The following SART3 variants were observed in gnomAD, a reference collection of about 807,000 sequenced individuals.
The protein encoded by SART3 is spliceosome associated factor 3, U4/U6 recycling protein.
A neutral mutation model predicts 122.3 loss-of-function variants in SART3; 44 were observed. That is an observed-to-expected ratio of 0.36 (90% CI 0.28 to 0.46). The LOEUF is 0.46. Ranked by LOEUF, SART3 falls within the 20% of genes least tolerant of loss-of-function variation. The probability of loss-of-function intolerance (pLI) is 1.00; values close to 1 mark genes in which losing one functional copy is unlikely to be tolerated. For missense variants in SART3, 1,101 were observed against 1,229.0 expected, an observed-to-expected ratio of 0.90 and a Z score of 1.56; for synonymous variants, 442 against 454.0, an observed-to-expected ratio of 0.97 and a Z score of 0.34.
At chr12:108,525,815 AAT>A (rs1312313561) in intron 16 of SART3, 1 of 637,842 alleles carries the variant, frequency 1.6e-6, no homozygotes, top group Non-Finnish European at 2.8e-6. Flanking sequence ...AAACGGCAAG[AAT>A]AAAAGTAACC....
At chr12:108,555,067 G>C (rs931399088) in intron 1 of SART3, among the ~76,000 whole-genome samples, 2 of 152,170 alleles carry the variant, frequency 1.3e-5, no homozygotes, top group African/African-American at 4.8e-5. Context: ...TGGGAAGGAA[G>C]GAGAAGGAGA....
intron 6 of SART3, among the ~76,000 whole-genome samples, chr12:108,539,779 C>T (rs1463525926): frequency 6.6e-6 from 1 of 152,054 alleles, no homozygotes; most frequent in Non-Finnish European, 1.5e-5. Context: ...ACACAGACTC[C>T]ATATGTAGAA....
At chr12:108,539,121 T>A in intron 6 of SART3, 32 bp from the exon 7 acceptor site, 1 of 1,613,452 alleles carries the variant, frequency 6.2e-7, no homozygotes, top group Non-Finnish European at 8.5e-7. Context: ...TTGAATTTAG[T>A]TACTGGCAGG....
intron 11 of SART3, 107 bp downstream of exon 11, chr12:108,536,407 A>C: frequency 6.6e-5 from 72 of 1,087,250 alleles, no homozygotes; most frequent in Non-Finnish European, 9.2e-5. Flanking sequence ...AAATCCTTAT[A>C]GAGCTTAGGC....
intron 1 of SART3, among the ~76,000 whole-genome samples, chr12:108,558,307 G>T (rs752267193): frequency 1.3e-5 from 2 of 152,240 alleles, no homozygotes. Flanking sequence ...GCAGCTGTGG[G>T]ATCAGGATGA....
chr12:108,557,057 A>G (rs527884468), intron 1 of SART3, among the ~76,000 whole-genome samples: 28 of 152,354 alleles, frequency 1.8e-4, no homozygotes, highest in African/African-American at 6.5e-4. Context: ...TGATGAAGAT[A>G]CTATATGTGG....
intron 1 of SART3, among the ~76,000 whole-genome samples, chr12:108,552,587 T>A (rs2030056868): frequency 6.9e-6 from 1 of 145,664 alleles, no homozygotes; most frequent in Non-Finnish European, 1.5e-5. Flanking sequence ...TTTAAAGACA[T>A]AGCACCATTT....
intron 2 of SART3, among the ~76,000 whole-genome samples, 156 bp downstream of exon 2, chr12:108,548,932 A>C (rs2029884433): frequency 6.6e-6 from 1 of 152,240 alleles, no homozygotes; most frequent in Non-Finnish European, 1.5e-5. Flanking sequence ...AAAAAACTAC[A>C]ATAAACTAAA....
chr12:108,553,574 T>A (rs2136693709), intron 1 of SART3, among the ~76,000 whole-genome samples: 1 of 152,328 alleles, frequency 6.6e-6, no homozygotes, highest in Non-Finnish European at 1.5e-5. Context: ...GATAAAAGAT[T>A]ACCTACACTT....
chr12:108,535,531 A>T, intron 11 of SART3, 63 bp from the exon 12 acceptor site: 1 of 1,277,938 alleles, frequency 7.8e-7, no homozygotes, highest in Non-Finnish European at 1.1e-6. Context: ...CCATCATACA[A>T]CACACTTCCA....
intron 4 of SART3, 36 bp from the exon 5 acceptor site, chr12:108,544,514 A>T: frequency 6.2e-7 from 1 of 1,614,174 alleles, no homozygotes; most frequent in South Asian, 1.1e-5. Flanking sequence ...TCAAAAGGGG[A>T]AAGGAAGCCA....
chr12:108,560,955 C>T lies in SART3; in HGVS notation c.200G>A (p.Gly67Glu), dbSNP rs746680613. Residue 67 changes from glycine to glutamate, a missense_variant, in exon 1 of 19, where the codon GGG becomes GAG. By Grantham distance (98) the Gly-to-Glu change is moderately conservative (BLOSUM62 -2). Coordinates refer to ENST00000546815, the MANE Select transcript of SART3 (RefSeq NM_014706.4). ...QQEEGVSESD[G>E]DEYAMASSAE... ...GGAGGAAGCCATGGCGTACTCATCC[C>T]CATCGCTCTCGCTCACGCCTTCCTC... 6.2e-7 allele frequency: 1 copy of T among 1,614,054 alleles called. No homozygotes were observed. Among genetic ancestry groups the T allele is most frequent in the Non-Finnish European group, 8.5e-7 (1 of 1,179,978 alleles).
At chr12:108,550,052 TA>T (rs2136690315) in intron 1 of SART3, among the ~76,000 whole-genome samples, 1 of 149,764 alleles carries the variant, frequency 6.7e-6, no homozygotes, top group East Asian at 2.0e-4. Context: ...AAATCCCTAT[TA>T]GAGAAACAAG....
At chr12:108,537,103 GCAAGTA>G in intron 9 of SART3, 1 of 451,266 alleles carries the variant, frequency 2.2e-6, no homozygotes, top group Non-Finnish European at 4.1e-6. Flanking sequence ...ACATGAGTGT[GCAAGTA>G]CAAGTTAGGG....
At chr12:108,555,244 C>G (rs1462875258) in intron 1 of SART3, among the ~76,000 whole-genome samples, 1 of 152,144 alleles carries the variant, frequency 6.6e-6, no homozygotes, top group Non-Finnish European at 1.5e-5. Flanking sequence ...TATAAACCAG[C>G]AAGCTTTAAA....
At position 108,525,528 on chromosome 12, in the gene SART3, C is replaced by G; in HGVS notation, c.2452G>C (p.Glu818Gln). 2 of 1,614,240 alleles carry G rather than the reference C, an allele frequency of 1.2e-6. No homozygotes were observed. The highest frequency in any genetic ancestry group is 1.7e-6 in the Non-Finnish European group (2 of 1,180,042). The change falls in exon 17 of 19, where the codon GAA (glutamate) becomes CAA (glutamine). Residue 818 changes from glutamate (E) to glutamine (Q), a missense_variant. Coordinates refer to ENST00000546815, the MANE Select transcript of SART3 (RefSeq NM_014706.4). ...LPFSCTKEEL[E>Q]EICKAHGTVK... ...GTGCCATGAGCCTTACAGATTTCTT[C>G]TAGTTCCTCTTTAGTACAGGAGAAA... is the stretch of plus-strand genomic sequence containing the variant.
chr12:108,529,900 C>T (rs1289298589), intron 15 of SART3, among the ~76,000 whole-genome samples: 1 of 152,120 alleles, frequency 6.6e-6, no homozygotes, highest in Non-Finnish European at 1.5e-5. Flanking sequence ...GATCCTTTCA[C>T]TACAAAGGAC....
chr12:108,530,417 C>G, intron 14 of SART3, 107 bp from the exon 15 acceptor site: 1 of 1,303,720 alleles, frequency 7.7e-7, no homozygotes, highest in Non-Finnish European at 1.1e-6. Flanking sequence ...TAATGAAAAG[C>G]AGAGATCAGG....
intron 15 of SART3, among the ~76,000 whole-genome samples, chr12:108,528,527 T>C (rs1872506290): frequency 6.8e-6 from 1 of 147,590 alleles, no homozygotes. Flanking sequence ...GGCAGGTCTG[T>C]GCAGGGTTGG....
Sources: allele counts gnomAD v4.1 joint callset (sites outside exome capture counted in the v4.1 genomes callset), GRCh38; gene constraint gnomAD v4.1.1; transcripts MANE v1.5; gene names NCBI Gene and HGNC (gene_info 2026-07-23, HGNC 2026-07-21).